KPNA5: variants seen among roughly 807,000 people sequenced by gnomAD.
KPNA5 encodes importin subunit alpha-6.
KPNA5 carries 46 observed loss-of-function variants against 71.3 expected under a neutral mutation model. The observed-to-expected ratio is 0.65, with a 90% CI of 0.51 to 0.83. The LOEUF (loss-of-function observed/expected upper bound fraction) is 0.83. Among genes scored for constraint, KPNA5 ranks in the 40% least tolerant of loss-of-function variants. The pLI is 0.00. For missense variants in KPNA5, 547 were observed against 628.3 expected (o/e 0.87, Z 1.38); for synonymous variants, 207 against 201.4 (o/e 1.03, Z -0.24).
intron 1 of KPNA5, among the ~76,000 whole-genome samples, chr6:116,683,758 C>T (rs1032624815): frequency 2.1e-4 from 32 of 151,500 alleles, no homozygotes; most frequent in African/African-American, 7.0e-4. Context: ...CCACCACGCC[C>T]GGCTAATTTT....
intron 5 of KPNA5, among the ~76,000 whole-genome samples, chr6:116,701,415 A>G (rs1172756679): frequency 6.6e-6 from 1 of 152,136 alleles, no homozygotes; most frequent in Non-Finnish European, 1.5e-5. Flanking sequence ...ATGTATATGT[A>G]TATTCAGATT....
rs916169744 is a variant in KPNA5, at chr6:116,733,437, T to C, written c.*1114T>C. 5 of 151,704 alleles carry C rather than the reference T, an allele frequency of 3.3e-5. No individual in the cohort carries two copies. The highest frequency in any genetic ancestry group is 4.4e-5 in the Non-Finnish European group (3 of 67,714). 9.4% of individuals were successfully genotyped at this position (151,704 alleles called of 1,614,324 possible). On this transcript the variant is annotated 3_prime_UTR_variant, in exon 14 of 14. Transcript: ENST00000368564. ...TATGGTTCAAATCTATAAGACTTTTTTCTTTTAGTAATACTCAGAGGGTCA... is the reference window on the plus strand; with the variant it reads ...TATGGTTCAAATCTATAAGACTTTTCTCTTTTAGTAATACTCAGAGGGTCA...
Position 116,733,149 on chromosome 6 carries a change from T to C in KPNA5, c.*826T>C, listed in dbSNP as rs1270938133. ...TCACTCATTGTTTTAAAGAGCATCA[T>C]GACAGAGATGTCATCATGAATCTAA... On this transcript the variant is annotated 3_prime_UTR_variant, in exon 14 of 14. Coordinates refer to ENST00000368564, the MANE Select transcript of KPNA5 (RefSeq NM_001366306.2). The C allele has an allele frequency of 1.3e-5, 2 of 151,826 alleles. No homozygotes were observed. Among genetic ancestry groups the C allele is most frequent in the African/African-American group, 2.4e-5 (1 of 41,424 alleles). The allele number at this position is 151,826 out of a possible 1,614,324, so 9.4% of individuals were successfully genotyped here.
Position 116,740,866 on chromosome 6 carries a change from G to T in KPNA5, c.*8543G>T. ...TTGTGGGGTTGGGGGAGGGGGGAGG[G>T]ATAGCTTTAGGAGATATACCTAATG... On this transcript the variant is annotated 3_prime_UTR_variant, in exon 14 of 14. Coordinates refer to ENST00000368564, the MANE Select transcript of KPNA5 (RefSeq NM_001366306.2). 1 of 123,814 alleles carries T rather than the reference G, an allele frequency of 8.1e-6. No homozygotes were observed. The highest frequency in any genetic ancestry group is 9.0e-5 in the Admixed American group (1 of 11,162). The allele number at this position is 123,814 out of a possible 1,614,324, so 7.7% of individuals were successfully genotyped here.
At chr6:116,699,870 T>C (rs557802572) in intron 5 of KPNA5, among the ~76,000 whole-genome samples, 16 of 152,334 alleles carry the variant, frequency 1.1e-4, no homozygotes, top group African/African-American at 3.8e-4. Flanking sequence ...CAAAGCATCA[T>C]GTAAGATATT....
At position 116,731,380 on chromosome 6, in the gene KPNA5, C is replaced by T. The variant is rs192907784; in HGVS notation, c.1433-756C>T. Among the ~76,000 whole-genome samples the T allele has an allele frequency of 5.9e-5, 9 of 152,190 alleles. No individual in the cohort carries two copies. In the East Asian group the frequency reaches 1.4e-3, roughly 23 times the overall value. On this transcript the variant is annotated intron_variant, in intron 13 of 13. Transcript: ENST00000368564. ...CTTACTACAGTCATTATTTTGACCC[C>T]GAGTCAGACTAGGGTTTGAGCTATT... is the stretch of plus-strand genomic sequence containing the variant.
chr6:116,716,946 T>C (rs780381172), intron 8 of KPNA5, among the ~76,000 whole-genome samples: 26 of 152,114 alleles, frequency 1.7e-4, no homozygotes, highest in Non-Finnish European at 2.5e-4. Flanking sequence ...ACAAAGGTAA[T>C]GCATGAACTA....
intron 6 of KPNA5, among the ~76,000 whole-genome samples, chr6:116,702,655 C>T (rs762944448): frequency 3.9e-5 from 6 of 151,944 alleles, no homozygotes; most frequent in South Asian, 2.1e-4. Flanking sequence ...GGCGACAGAG[C>T]GAGATTTGTT....
At chr6:116,686,524 C>A (rs937258567) in intron 1 of KPNA5, among the ~76,000 whole-genome samples, 1 of 152,074 alleles carries the variant, frequency 6.6e-6, no homozygotes, top group Non-Finnish European at 1.5e-5. Flanking sequence ...TTGACAGATT[C>A]TTTTGCTGTG....
At chr6:116,714,611 A>G (rs1778817368) in intron 7 of KPNA5, among the ~76,000 whole-genome samples, 2 of 152,088 alleles carry the variant, frequency 1.3e-5, no homozygotes, top group Admixed American at 6.5e-5. Context: ...CACATCCCTC[A>G]TAGCCCAAGT....
intron 1 of KPNA5, 29 bp downstream of exon 1, chr6:116,681,367 G>A (rs774743616): frequency 1.3e-6 from 2 of 1,569,618 alleles, no homozygotes; most frequent in African/African-American, 2.8e-5. Flanking sequence ...GGGCTAGGTT[G>A]GGGGAGCCTC....
At chr6:116,691,479 AACTC>A (rs1302822541) in intron 2 of KPNA5, among the ~76,000 whole-genome samples, 1 of 152,082 alleles carries the variant, frequency 6.6e-6, no homozygotes, top group African/African-American at 2.4e-5. Context: ...GGGAATGTGG[AACTC>A]ACAGATATGG....
intron 8 of KPNA5, among the ~76,000 whole-genome samples, chr6:116,717,573 C>A (rs1388668994): frequency 3.3e-5 from 5 of 152,106 alleles, no homozygotes; most frequent in Non-Finnish European, 7.4e-5. Flanking sequence ...CAACTGAGAG[C>A]ATTAGGTAGA....
intron 6 of KPNA5, among the ~76,000 whole-genome samples, chr6:116,702,922 C>A (rs1036725673): frequency 2.0e-5 from 3 of 152,084 alleles, no homozygotes; most frequent in African/African-American, 7.2e-5. Flanking sequence ...AAAATCAAGT[C>A]ATTTAACATT....
Position 116,705,138 on chromosome 6 carries a change from G to A in KPNA5, c.634G>A (p.Glu212Lys). The A allele has an allele frequency of 6.2e-7, 1 of 1,610,776 alleles. No homozygotes were observed. The highest frequency in any genetic ancestry group is 8.5e-7 in the Non-Finnish European group (1 of 1,178,358). The change falls in exon 7 of 14, where the codon GAA (glutamate) becomes AAA (lysine). Residue 212 changes from glutamate to lysine, a missense_variant. By Grantham distance (56) the Glu-to-Lys change is moderately conservative. Transcript: ENST00000368564. ...AECRDFVLNC[E>K]ILPPLLELLT... is the part of the protein sequence containing the mutation. ...ATGCAGAGATTTTGTTTTGAATTGTGAAATACTTCCACCTCTTTTAGAGTA... is the reference window on the plus strand; with the variant it reads ...ATGCAGAGATTTTGTTTTGAATTGTAAAATACTTCCACCTCTTTTAGAGTA...
intron 5 of KPNA5, among the ~76,000 whole-genome samples, chr6:116,700,318 A>T (rs542792528): frequency 2.6e-5 from 4 of 152,244 alleles, no homozygotes; most frequent in African/African-American, 9.6e-5. Context: ...AAAAAAATAA[A>T]AATTAGCTGA....
chr6:116,734,100 C>A lies in KPNA5; in HGVS notation c.*1777C>A, dbSNP rs759384460. The A allele has an allele frequency of 1.3e-5, 2 of 151,498 alleles. No homozygotes were observed. The highest frequency in any genetic ancestry group is 4.8e-5 in the African/African-American group (2 of 41,354). The allele number at this position is 151,498 out of a possible 1,614,324, so 9.4% of individuals were successfully genotyped here. A position where few individuals can be genotyped will look rare whatever the true frequency, so the allele number is the denominator to read the frequency against. ...ATAAAATGGTTTTCTTTTGCATTAT[C>A]TGTATTCAAAAAACAGGGTAGTTAT... On this transcript the variant is annotated 3_prime_UTR_variant, in exon 14 of 14. Transcript: ENST00000368564.
intron 4 of KPNA5, 39 bp from the exon 5 acceptor site, chr6:116,698,665 T>G (rs1224421347): frequency 8.3e-7 from 1 of 1,212,054 alleles, no homozygotes; most frequent in Non-Finnish European, 1.2e-6. Context: ...GTTTTCTTTT[T>G]GTGTCTTTGT....
chr6:116,686,604 T>C (rs1777599411), intron 1 of KPNA5, among the ~76,000 whole-genome samples: 1 of 152,230 alleles, frequency 6.6e-6, no homozygotes, highest in Non-Finnish European at 1.5e-5. Context: ...CCCTTCGTGA[T>C]GAAATCTCTG....
Sources: allele counts gnomAD v4.1 joint callset (sites outside exome capture counted in the v4.1 genomes callset), GRCh38; gene constraint gnomAD v4.1.1; transcripts MANE v1.5; gene names NCBI Gene and HGNC (gene_info 2026-07-23, HGNC 2026-07-21).